NRG3: variants seen among roughly 807,000 people sequenced by gnomAD.
The protein encoded by NRG3 is pro-neuregulin-3, membrane-bound isoform.
Under a neutral mutation model 66.9 loss-of-function variants are expected in NRG3, and 31 were observed. That is an observed-to-expected ratio of 0.46 (90% CI 0.35 to 0.63). The LOEUF (loss-of-function observed/expected upper bound fraction) is 0.63. Ranked by LOEUF, NRG3 falls within the 20% of genes least tolerant of loss-of-function variation. NRG3 has a pLI of 0.00. For missense variants in NRG3, 910 were observed against 878.9 expected (o/e 1.04, Z -0.45); for synonymous variants, 393 against 359.4 (o/e 1.09, Z -1.06).
At chr10:82,033,898 A>T (rs547962664) in intron 1 of NRG3, among the ~76,000 whole-genome samples, 20 of 152,230 alleles carry the variant, frequency 1.3e-4, no homozygotes, top group African/African-American at 4.8e-4. Flanking sequence ...TTCTTGCAAA[A>T]CTGCCTGTGA....
intron 4 of NRG3, among the ~76,000 whole-genome samples, chr10:82,947,063 G>A (rs745533818): frequency 5.8e-4 from 89 of 152,188 alleles, no homozygotes; most frequent in Non-Finnish European, 1.1e-3. Flanking sequence ...CGATTAACAT[G>A]TCTGTAACTC....
chr10:82,097,529 GAT>G (rs759101988), intron 1 of NRG3, among the ~76,000 whole-genome samples: 164 of 148,386 alleles, frequency 1.1e-3, no homozygotes, highest in African/African-American at 3.7e-3. Context: ...ATATATCTGT[GAT>G]ATATATATAT....
chr10:82,266,582 T>G lies in NRG3; in HGVS notation c.824-92157T>G, dbSNP rs192614206. 3.0e-3 allele frequency among the ~76,000 whole-genome samples: 462 copies of G among 152,268 alleles called. 1 individual carries two copies. Among genetic ancestry groups the G allele is most frequent in the Non-Finnish European group, 4.5e-3 (304 of 68,032 alleles). On this transcript the variant is annotated intron_variant, in intron 1 of 8. Coordinates refer to ENST00000372141, the MANE Select transcript of NRG3 (RefSeq NM_001010848.4). ...GCAAGACTGTTCAACTATGTCTCAT[T>G]ACTAAAGGTAGACAGAATCACTTGG...
At chr10:82,351,297 A>T (rs1589817184) in intron 1 of NRG3, among the ~76,000 whole-genome samples, 1 of 152,230 alleles carries the variant, frequency 6.6e-6, no homozygotes, top group Non-Finnish European at 1.5e-5. Context: ...AGAAGTTCAT[A>T]TAAAGACACA....
chr10:82,603,205 A>G (rs1226348534), intron 2 of NRG3, among the ~76,000 whole-genome samples: 1 of 152,144 alleles, frequency 6.6e-6, no homozygotes, highest in Admixed American at 6.5e-5. Context: ...GAATTAGCCT[A>G]CTTTTGGAGG....
At chr10:82,760,916 A>G (rs942293777) in intron 3 of NRG3, among the ~76,000 whole-genome samples, 1 of 151,960 alleles carries the variant, frequency 6.6e-6, no homozygotes, top group African/African-American at 2.4e-5. Flanking sequence ...AAAAAAATTA[A>G]AAATATCATA....
chr10:82,362,201 CT>C (rs1372659127), intron 2 of NRG3, among the ~76,000 whole-genome samples: 1 of 144,050 alleles, frequency 6.9e-6, no homozygotes, highest in African/African-American at 2.6e-5. Flanking sequence ...TCAAGAAACA[CT>C]TGTGGTACCA....
chr10:82,075,954 T>TAAA (rs35298857), intron 1 of NRG3, among the ~76,000 whole-genome samples: 4 of 147,472 alleles, frequency 2.7e-5, no homozygotes, highest in African/African-American at 7.5e-5. Context: ...TAAACATAGT[T>TAAA]AAAAAAAAAA....
chr10:82,847,554 C>T (rs957824003), intron 3 of NRG3, among the ~76,000 whole-genome samples: 17 of 152,128 alleles, frequency 1.1e-4, no homozygotes, highest in Admixed American at 6.6e-4. Context: ...TAATTAAATG[C>T]GAATATCTTT....
intron 7 of NRG3, among the ~76,000 whole-genome samples, chr10:82,976,394 T>C (rs929179956): frequency 1.3e-5 from 2 of 152,128 alleles, no homozygotes; most frequent in East Asian, 3.9e-4. Flanking sequence ...GTTTTTTGCA[T>C]TGAAATAATT....
intron 1 of NRG3, among the ~76,000 whole-genome samples, chr10:82,184,935 A>C (rs940523234): frequency 6.6e-6 from 1 of 152,194 alleles, no homozygotes; most frequent in Admixed American, 6.5e-5. Context: ...GCTTAATTAC[A>C]TAATTTCATT....
intron 1 of NRG3, among the ~76,000 whole-genome samples, chr10:81,876,618 C>A (rs1376901455): frequency 1.3e-5 from 2 of 152,154 alleles, no homozygotes; most frequent in African/African-American, 4.8e-5. Flanking sequence ...AATTGACCGA[C>A]GATAAACCAC....
At chr10:82,528,287 G>A (rs527859867) in intron 2 of NRG3, among the ~76,000 whole-genome samples, 23 of 152,242 alleles carry the variant, frequency 1.5e-4, no homozygotes, top group African/African-American at 5.1e-4. Flanking sequence ...TATATTGAAG[G>A]GAAGTTACAT....
chr10:82,071,304 C>G (rs981075515), intron 1 of NRG3, among the ~76,000 whole-genome samples: 22 of 152,088 alleles, frequency 1.4e-4, no homozygotes, highest in African/African-American at 5.3e-4. Flanking sequence ...TGAGGAGTGC[C>G]ATTGAGAAAT....
chr10:82,837,264 G>T (rs984506828), intron 3 of NRG3, among the ~76,000 whole-genome samples: 2 of 152,050 alleles, frequency 1.3e-5, no homozygotes, highest in South Asian at 4.1e-4. Context: ...ACCCAGTAAT[G>T]GTACTGCTGA....
intron 1 of NRG3, among the ~76,000 whole-genome samples, chr10:82,250,521 G>A (rs572903595): frequency 2.6e-5 from 4 of 152,224 alleles, no homozygotes; most frequent in Admixed American, 2.6e-4. Flanking sequence ...CTGGGAGGCG[G>A]AGATTGCAAT....
chr10:82,704,286 T>C (rs1311674740), intron 2 of NRG3, among the ~76,000 whole-genome samples: 1 of 152,030 alleles, frequency 6.6e-6, no homozygotes, highest in Admixed American at 6.6e-5. Context: ...TTATTCTATT[T>C]CCCGATTAAA....
intron 1 of NRG3, among the ~76,000 whole-genome samples, chr10:82,199,297 G>C (rs1056914907): frequency 2.0e-5 from 3 of 151,754 alleles, no homozygotes; most frequent in Admixed American, 2.0e-4. Context: ...ATAATTCCAA[G>C]TTTCTCAAAC....
chr10:82,302,478 G>A lies in NRG3; in HGVS notation c.824-56261G>A, dbSNP rs374014640. Among the ~76,000 whole-genome samples the A allele has an allele frequency of 5.3e-5, 8 of 152,138 alleles. No individual in the cohort carries two copies. In the South Asian group the frequency reaches 1.4e-3, roughly 28 times the overall value. ...ACTTTGTATAAACTATATATACCAT[G>A]TATATACTTTGTATACTATAATGCA... On this transcript the variant is annotated intron_variant, in intron 1 of 8. Coordinates refer to ENST00000372141, the MANE Select transcript of NRG3 (RefSeq NM_001010848.4).
Sources: gnomAD v4.1 joint callset for allele counts (sites outside exome capture counted in the v4.1 genomes callset) on GRCh38, gnomAD v4.1.1 for gene constraint, MANE v1.5 for transcripts, NCBI Gene and HGNC (gene_info 2026-07-23, HGNC 2026-07-21) for gene names.